The following CTNNA2 variants were observed in gnomAD, a reference collection of about 807,000 sequenced individuals.
CTNNA2 encodes the protein catenin alpha-2.
CTNNA2 carries 42 observed loss-of-function variants against 101.0 expected under a neutral mutation model. The observed-to-expected ratio is 0.42, with a 90% confidence interval of 0.32 to 0.54. The LOEUF is 0.54. CTNNA2 is among the 20% of genes least tolerant of loss of function. CTNNA2 has a pLI of 0.14. For synonymous variants in CTNNA2, 450 were observed against 456.4 expected (o/e 0.99, Z 0.18); for missense variants, 871 against 1,223.1 (o/e 0.71, Z 4.29).
intron 7 of CTNNA2, among the ~76,000 whole-genome samples, chr2:80,350,424 G>A (rs1304112555): frequency 6.6e-6 from 1 of 152,114 alleles, no homozygotes; most frequent in African/African-American, 2.4e-5. Flanking sequence ...GATTTCTTAT[G>A]CTTACTGCAA....
chr2:79,830,909 G>A (rs1678878387), intron 3 of CTNNA2, among the ~76,000 whole-genome samples: 1 of 152,138 alleles, frequency 6.6e-6, no homozygotes, highest in Admixed American at 6.5e-5. Flanking sequence ...TTGGTGTAAT[G>A]TAGGACGTGT....
intron 9 of CTNNA2, among the ~76,000 whole-genome samples, chr2:80,487,233 G>C (rs972683151): frequency 2.0e-5 from 3 of 148,026 alleles, no homozygotes; most frequent in Admixed American, 1.4e-4. Flanking sequence ...GTGAGCTGAG[G>C]TCACACCACT....
chr2:80,489,952 A>G (rs1489462260), intron 9 of CTNNA2, among the ~76,000 whole-genome samples: 1 of 152,168 alleles, frequency 6.6e-6, no homozygotes, highest in East Asian at 1.9e-4. Context: ...AAGTGACAGG[A>G]AACAGGTCCG....
At chr2:80,006,369 A>AAG (rs1553427824) in intron 7 of CTNNA2, among the ~76,000 whole-genome samples, 3 of 151,576 alleles carry the variant, frequency 2.0e-5, no homozygotes, top group African/African-American at 7.3e-5. Flanking sequence ...TAAAAAAAAA[A>AAG]AAAAAGAAAA....
At chr2:80,439,349 A>G (rs560606743) in intron 9 of CTNNA2, among the ~76,000 whole-genome samples, 1 of 152,290 alleles carries the variant, frequency 6.6e-6, no homozygotes, top group East Asian at 1.9e-4. Context: ...AGCATTGGTT[A>G]TAGCTGCACT....
At chr2:79,866,480 C>G (rs1050303858) in intron 4 of CTNNA2, 2 of 152,126 alleles carry the variant, frequency 1.3e-5, no homozygotes, top group East Asian at 1.9e-4. Flanking sequence ...CCCTTTATGT[C>G]AGCTCATTAG....
At chr2:79,434,846 C>T (rs1391424786) in intron 4 of CTNNA2, among the ~76,000 whole-genome samples, 2 of 152,170 alleles carry the variant, frequency 1.3e-5, no homozygotes, top group African/African-American at 4.8e-5. Context: ...GGAGAGCTGT[C>T]TGAATCTAGG....
intron 9 of CTNNA2, among the ~76,000 whole-genome samples, chr2:80,454,218 A>G (rs569984860): frequency 9.2e-5 from 14 of 152,296 alleles, no homozygotes; most frequent in South Asian, 6.2e-4. Flanking sequence ...TATGTCTGGA[A>G]AGGATCAAAT....
intron 2 of CTNNA2, among the ~76,000 whole-genome samples, chr2:79,661,568 A>G (rs916347234): frequency 1.3e-5 from 2 of 152,166 alleles, no homozygotes; most frequent in African/African-American, 4.8e-5. Context: ...TATTCCTCTT[A>G]CAAGTTATAG....
chr2:79,913,536 T>TC (rs1245774901), intron 7 of CTNNA2, among the ~76,000 whole-genome samples: 3 of 152,022 alleles, frequency 2.0e-5, no homozygotes, highest in Admixed American at 6.6e-5. Flanking sequence ...ATGCCATGAT[T>TC]CAGGTGCTGA....
intron 7 of CTNNA2, among the ~76,000 whole-genome samples, chr2:79,917,712 G>T (rs1251604392): frequency 6.6e-6 from 1 of 152,186 alleles, no homozygotes; most frequent in African/African-American, 2.4e-5. Context: ...TGGATGTTGT[G>T]CAGGGATATG....
At chr2:80,390,276 C>T (rs779941623) in intron 7 of CTNNA2, among the ~76,000 whole-genome samples, 1 of 152,206 alleles carries the variant, frequency 6.6e-6, no homozygotes, top group African/African-American at 2.4e-5. Flanking sequence ...AGTCATTGAG[C>T]GTGCTAATCT....
At chr2:80,645,881 A>T (rs1056312037) in intron 18 of CTNNA2, among the ~76,000 whole-genome samples, 1 of 152,184 alleles carries the variant, frequency 6.6e-6, no homozygotes, top group African/African-American at 2.4e-5. Flanking sequence ...TAATTCACAA[A>T]GCAATTATAT....
intron 3 of CTNNA2, among the ~76,000 whole-genome samples, chr2:79,338,575 ATCATCTTCTTCT>A (rs1377584324): frequency 0.01 from 1,162 of 115,504 alleles, 17 homozygotes; most frequent in African/African-American, 0.029. Context: ...CTTCCTCCTC[ATCATCTTCTTCT>A]TCTTCTTCTT....
intron 4 of CTNNA2, among the ~76,000 whole-genome samples, chr2:79,869,430 T>C (rs532657869): frequency 6.6e-5 from 10 of 152,360 alleles, no homozygotes; most frequent in Admixed American, 2.6e-4. Flanking sequence ...CTCCAGTCTT[T>C]TGTTTGTAAA....
chr2:79,261,583 C>T (rs772320743), intron 2 of CTNNA2, among the ~76,000 whole-genome samples: 14 of 152,334 alleles, frequency 9.2e-5, no homozygotes, highest in Admixed American at 2.0e-4. Context: ...GCAGACAGCA[C>T]CTTCCCATTG....
chr2:79,710,913 G>A (rs1231956104), intron 2 of CTNNA2, among the ~76,000 whole-genome samples: 1 of 152,110 alleles, frequency 6.6e-6, no homozygotes, highest in Non-Finnish European at 1.5e-5. Flanking sequence ...CAGGCTTTAT[G>A]AGCTGAATGT....
chr2:79,732,491 A>G (rs1687265436), intron 2 of CTNNA2, among the ~76,000 whole-genome samples: 1 of 152,102 alleles, frequency 6.6e-6, no homozygotes, highest in Non-Finnish European at 1.5e-5. Flanking sequence ...ACAGTAAAAC[A>G]ACAAAAAGTT....
intron 7 of CTNNA2, among the ~76,000 whole-genome samples, chr2:80,385,381 C>T (rs1280450110): frequency 6.6e-6 from 1 of 152,110 alleles, no homozygotes; most frequent in Non-Finnish European, 1.5e-5. Context: ...TGTGAACACA[C>T]AAAAAGAAGA....
Sources: allele counts gnomAD v4.1 joint callset (sites outside exome capture counted in the v4.1 genomes callset), GRCh38; gene constraint gnomAD v4.1.1; transcripts MANE v1.5; gene names NCBI Gene and HGNC (gene_info 2026-07-23, HGNC 2026-07-21).